The following ADGRL2 variants were observed in gnomAD, a reference collection of about 807,000 sequenced individuals.
The protein encoded by ADGRL2 is calcium-independent alpha-latrotoxin receptor 2.
In ADGRL2, 44 loss-of-function variants were observed where a neutral mutation model predicts 157.4. That is an observed-to-expected ratio of 0.28 (90% CI 0.22 to 0.36). The LOEUF (loss-of-function observed/expected upper bound fraction) is 0.36. ADGRL2 is among the 10% of genes least tolerant of loss of function. ADGRL2 has a pLI of 1.00. For synonymous variants in ADGRL2, 585 were observed against 624.7 expected (o/e 0.94, Z 0.95); for missense variants, 1,510 against 1,768.9 (o/e 0.85, Z 2.63).
chr1:81,742,645 A>G (rs2085110130), intron 1 of ADGRL2, among the ~76,000 whole-genome samples: 1 of 152,008 alleles, frequency 6.6e-6, no homozygotes, highest in African/African-American at 2.4e-5. Flanking sequence ...ACTCCAGAAA[A>G]GAGACATTTT....
intron 2 of ADGRL2, among the ~76,000 whole-genome samples, chr1:81,860,628 C>T (rs78800580): frequency 0.023 from 3,444 of 152,168 alleles, 138 homozygotes; most frequent in African/African-American, 0.079. Context: ...TTTGGGGAAG[C>T]GTAATTTCTA....
rs58043778 is a variant in ADGRL2, at chr1:81,691,880, G to GTATATATATATATATATATATATATA, written c.-142-69916_-142-69915insATATATATATATATATATATATATAT. 3.8e-4 allele frequency among the ~76,000 whole-genome samples: 46 copies of GTATATATATATATATATATATATATA among 119,822 alleles called. 1 individual carries two copies. Among genetic ancestry groups the GTATATATATATATATATATATATATA allele is most frequent in the South Asian group, 1.1e-3 (4 of 3,784 alleles). 78.6% of individuals were successfully genotyped at this position (119,822 alleles called of 152,430 possible). Reference sequence around the variant, plus strand: ...TATATATATATGGGTGTGTGTGTGTGTATATATATATATATGTATGTGTAT... The same window carrying GTATATATATATATATATATATATATA: ...TATATATATATGGGTGTGTGTGTGTGTATATATATATATATATATATATATATATATATATATATATGTATGTGTAT... On this transcript the variant is annotated intron_variant, in intron 3 of 24. Transcript: ENST00000370721.
At chr1:81,455,516 C>T (rs776183903) in intron 2 of ADGRL2, among the ~76,000 whole-genome samples, 19 of 152,146 alleles carry the variant, frequency 1.2e-4, no homozygotes, top group Non-Finnish European at 2.2e-4. Context: ...GTTATCTGTG[C>T]TCCATTGAAA....
chr1:81,464,303 C>G (rs1032943771), intron 2 of ADGRL2, among the ~76,000 whole-genome samples: 3 of 152,030 alleles, frequency 2.0e-5, no homozygotes, highest in Non-Finnish European at 4.4e-5. Context: ...GCAATTTGTA[C>G]ACGCACTCCA....
At chr1:81,455,878 T>C (rs2101768354) in intron 2 of ADGRL2, among the ~76,000 whole-genome samples, 1 of 152,350 alleles carries the variant, frequency 6.6e-6, no homozygotes, top group African/African-American at 2.4e-5. Context: ...TGAAATATTA[T>C]AAACGATGTG....
chr1:81,450,992 T>C (rs991551016), intron 2 of ADGRL2, among the ~76,000 whole-genome samples: 1 of 152,198 alleles, frequency 6.6e-6, no homozygotes, highest in African/African-American at 2.4e-5. Context: ...TTCATGGCTC[T>C]TTACTTTCAA....
At chr1:81,410,695 AGCACATGATAT>A (rs1398275269) in intron 1 of ADGRL2, among the ~76,000 whole-genome samples, 2 of 152,242 alleles carry the variant, frequency 1.3e-5, no homozygotes, top group African/African-American at 4.8e-5. Flanking sequence ...GTATAGTATT[AGCACATGATAT>A]GTTGAATTTA....
intron 1 of ADGRL2, among the ~76,000 whole-genome samples, chr1:81,423,531 G>T (rs1013452283): frequency 6.6e-6 from 1 of 152,196 alleles, no homozygotes; most frequent in African/African-American, 2.4e-5. Flanking sequence ...AAACAAGTCA[G>T]TCATGGGGAC....
intron 11 of ADGRL2, 82 bp downstream of exon 11, chr1:81,956,142 A>G (rs991350897): frequency 1.9e-6 from 2 of 1,050,044 alleles, no homozygotes; most frequent in African/African-American, 1.6e-5. Flanking sequence ...TGTATCTGTT[A>G]TTTCCCAGTG....
intron 17 of ADGRL2, 151 bp downstream of exon 17, chr1:81,972,069 T>C (rs1384637673): frequency 4.6e-6 from 2 of 431,680 alleles, no homozygotes; most frequent in Non-Finnish European, 4.1e-6. Context: ...TTTTAAATAT[T>C]TTTTATAAAC....
chr1:81,342,722 T>G (rs948525354), intron 1 of ADGRL2, among the ~76,000 whole-genome samples: 16 of 152,170 alleles, frequency 1.1e-4, no homozygotes, highest in African/African-American at 3.9e-4. Context: ...ATATGTTATT[T>G]TATCTTTTAA....
At chr1:81,848,060 G>A (rs1433819585) in intron 2 of ADGRL2, among the ~76,000 whole-genome samples, 1 of 151,506 alleles carries the variant, frequency 6.6e-6, no homozygotes, top group Non-Finnish European at 1.5e-5. Flanking sequence ...TTTTAGTATT[G>A]TATAGAATCA....
At chr1:81,309,112 T>C (rs897338583) in intron 1 of ADGRL2, among the ~76,000 whole-genome samples, 2 of 152,200 alleles carry the variant, frequency 1.3e-5, no homozygotes, top group African/African-American at 4.8e-5. Context: ...ACTGGGGCTG[T>C]AGAAACTTGC....
intron 1 of ADGRL2, among the ~76,000 whole-genome samples, chr1:81,812,366 G>A (rs1350294316): frequency 6.6e-6 from 1 of 151,580 alleles, no homozygotes; most frequent in Non-Finnish European, 1.5e-5. Flanking sequence ...AAATTATAGT[G>A]CAACTTAATG....
At chr1:81,486,368 C>T (rs971136833) in intron 2 of ADGRL2, among the ~76,000 whole-genome samples, 2 of 152,040 alleles carry the variant, frequency 1.3e-5, no homozygotes, top group African/African-American at 4.8e-5. Context: ...GAAAGAGTCA[C>T]TGTTTTTGTG....
At chr1:81,983,555 A>G (rs918915238) in intron 19 of ADGRL2, among the ~76,000 whole-genome samples, 2 of 152,108 alleles carry the variant, frequency 1.3e-5, no homozygotes, top group South Asian at 4.1e-4. Context: ...GTTACTGCAC[A>G]CAGACTTCTG....
intron 3 of ADGRL2, among the ~76,000 whole-genome samples, chr1:81,588,748 C>T (rs1557486254): frequency 6.6e-6 from 1 of 152,190 alleles, no homozygotes; most frequent in Non-Finnish European, 1.5e-5. Flanking sequence ...GTGACAAACA[C>T]ATTGCTCCCT....
rs548378264 is a variant in ADGRL2, at chr1:81,430,190, G to C, written c.-301-14846G>C. On this transcript the variant is annotated intron_variant, in intron 1 of 24. Transcript: ENST00000370721. ...TTACAGGCGTGAGCCACTGCACCCA[G>C]CCATGAGCTTTATATTGTAATGGGG... Among the ~76,000 whole-genome samples, 116 of 152,330 alleles carry C rather than the reference G, an allele frequency of 7.6e-4. 1 individual carries two copies. The highest frequency in any genetic ancestry group is 2.6e-3 in the African/African-American group (110 of 41,566).
At chr1:81,962,878 T>C (rs866885997) in intron 11 of ADGRL2, among the ~76,000 whole-genome samples, 43 of 152,278 alleles carry the variant, frequency 2.8e-4, no homozygotes, top group African/African-American at 1.0e-3. Flanking sequence ...GCCTTGCTCC[T>C]TAAGGAACTG....
Sources: allele counts gnomAD v4.1 joint callset (sites outside exome capture counted in the v4.1 genomes callset), GRCh38; gene constraint gnomAD v4.1.1; transcripts MANE v1.5; gene names NCBI Gene and HGNC (gene_info 2026-07-23, HGNC 2026-07-21).